The following CSMD1 variants were observed in gnomAD, a reference collection of about 807,000 sequenced individuals.
CSMD1 encodes the protein CUB and Sushi multiple domains 1, also known as CUB and sushi domain-containing protein 1.
In CSMD1, 213 loss-of-function variants were observed where a neutral mutation model predicts 417.5. The ratio of observed to expected loss-of-function variants is 0.51; its 90% confidence interval spans 0.46 to 0.57. The LOEUF (loss-of-function observed/expected upper bound fraction) is 0.57. Ranked by LOEUF, CSMD1 falls within the 20% of genes least tolerant of loss-of-function variation. The probability of loss-of-function intolerance (pLI) is 0.00; values close to 1 mark genes in which losing one functional copy is unlikely to be tolerated. For synonymous variants in CSMD1, 2,862 were observed against 1,736.8 expected, an observed-to-expected ratio of 1.65 and a Z score of -16.11; for missense variants, 6,923 against 4,529.7, an observed-to-expected ratio of 1.53 and a Z score of -15.17.
intron 1 of CSMD1, among the ~76,000 whole-genome samples, chr8:4,899,092 C>A (rs1316242246): frequency 2.6e-5 from 4 of 152,164 alleles, no homozygotes; most frequent in African/African-American, 4.8e-5. Flanking sequence ...TAAGTGTGAT[C>A]TGTTACATAA....
At chr8:4,287,784 C>T (rs1797143943) in intron 3 of CSMD1, among the ~76,000 whole-genome samples, 1 of 151,872 alleles carries the variant, frequency 6.6e-6, no homozygotes, top group Non-Finnish European at 1.5e-5. Flanking sequence ...GCGAGTTGGA[C>T]TCATACTATC....
intron 38 of CSMD1, among the ~76,000 whole-genome samples, chr8:3,159,993 G>A (rs1290214761): frequency 6.6e-6 from 1 of 152,162 alleles, no homozygotes; most frequent in Non-Finnish European, 1.5e-5. Context: ...AGGGAGAATG[G>A]AGGAAACATG....
At chr8:4,596,017 G>A (rs997083251) in intron 2 of CSMD1, among the ~76,000 whole-genome samples, 1 of 152,046 alleles carries the variant, frequency 6.6e-6, no homozygotes, top group Non-Finnish European at 1.5e-5. Flanking sequence ...TCCACCACTT[G>A]AACACTCCCT....
intron 5 of CSMD1, among the ~76,000 whole-genome samples, chr8:3,876,872 A>C (rs969790421): frequency 7.2e-5 from 11 of 152,230 alleles, no homozygotes; most frequent in African/African-American, 2.7e-4. Context: ...TTGGCCTCCC[A>C]AAATCATGCG....
At position 3,914,983 on chromosome 8, in the gene CSMD1, G is replaced by A. The variant is rs892631910; in HGVS notation, c.818+82920C>T. ...TATTGCAGTGTGATGAAAGCTGAAC[G>A]GAACAGCCTTCACACACATACAAGT... On this transcript the variant is annotated intron_variant, in intron 5 of 69. Coordinates refer to ENST00000635120, the MANE Select transcript of CSMD1 (RefSeq NM_033225.6). Among the ~76,000 whole-genome samples the A allele has an allele frequency of 3.9e-5, 6 of 152,220 alleles. 1 individual carries two copies. Among genetic ancestry groups the A allele is most frequent in the South Asian group, 2.1e-4 (1 of 4,814 alleles).
rs543065991 is a variant in CSMD1, at chr8:4,796,948, G to A, written c.86-159390C>T. ...GGCTGCATGGAGGGGGCAGGACAGA[G>A]CGGCCCTGATTGCCTGGTCATCAGG... On this transcript the variant is annotated intron_variant, in intron 1 of 69. Transcript: ENST00000635120. Among the ~76,000 whole-genome samples, 5 of 152,332 alleles carry A rather than the reference G, an allele frequency of 3.3e-5. No homozygotes were observed. The South Asian group carries it at 1.0e-3, about 32-fold the overall frequency.
intron 10 of CSMD1, among the ~76,000 whole-genome samples, chr8:3,554,894 G>C (rs544112939): frequency 6.6e-6 from 1 of 152,124 alleles, no homozygotes; most frequent in Non-Finnish European, 1.5e-5. Context: ...GAGTGTCACT[G>C]AAACTCAACA....
chr8:3,372,744 A>G (rs900083680), intron 18 of CSMD1, among the ~76,000 whole-genome samples: 1 of 152,164 alleles, frequency 6.6e-6, no homozygotes, highest in Non-Finnish European at 1.5e-5. Flanking sequence ...GCTTGCCTGT[A>G]GAATGGCCGA....
At chr8:3,487,464 G>T (rs1373422520) in intron 11 of CSMD1, among the ~76,000 whole-genome samples, 2 of 152,160 alleles carry the variant, frequency 1.3e-5, no homozygotes, top group African/African-American at 2.4e-5. Flanking sequence ...GCCTCCCCAA[G>T]TGTTGGGATT....
chr8:3,102,566 G>C (rs1018548415), intron 46 of CSMD1, among the ~76,000 whole-genome samples: 4 of 152,222 alleles, frequency 2.6e-5, no homozygotes, highest in African/African-American at 4.8e-5. Context: ...GCCACTTAAA[G>C]ATGGGGACAG....
chr8:4,264,290 G>A (rs368150024), intron 3 of CSMD1, among the ~76,000 whole-genome samples: 7 of 152,096 alleles, frequency 4.6e-5, no homozygotes, highest in East Asian at 1.9e-4. Flanking sequence ...ACACATTATT[G>A]TACGTAGAAT....
chr8:3,944,934 G>C (rs776840294), intron 5 of CSMD1, among the ~76,000 whole-genome samples: 9 of 152,074 alleles, frequency 5.9e-5, no homozygotes, highest in African/African-American at 9.7e-5. Context: ...CTCTCACTTT[G>C]TTATTCTTCG....
intron 36 of CSMD1, among the ~76,000 whole-genome samples, chr8:3,181,778 T>C (rs1821343785): frequency 6.6e-6 from 1 of 152,216 alleles, no homozygotes; most frequent in Non-Finnish European, 1.5e-5. Context: ...CATAGTGATT[T>C]CTTTACTTAA....
At chr8:4,108,311 A>G in intron 3 of CSMD1, among the ~76,000 whole-genome samples, 1 of 152,108 alleles carries the variant, frequency 6.6e-6, no homozygotes, top group Non-Finnish European at 1.5e-5. Context: ...TCATATGACA[A>G]TTGTAAAAAT....
chr8:4,502,782 T>C (rs1380152231), intron 2 of CSMD1, among the ~76,000 whole-genome samples: 1 of 152,188 alleles, frequency 6.6e-6, no homozygotes, highest in Non-Finnish European at 1.5e-5. Context: ...CACAAGAGCA[T>C]GACCAATCTG....
chr8:3,063,071 G>C (rs967976377), intron 49 of CSMD1, among the ~76,000 whole-genome samples: 1 of 152,108 alleles, frequency 6.6e-6, no homozygotes, highest in African/African-American at 2.4e-5. Context: ...GAACCCAAGA[G>C]TCCCAGGCTC....
At chr8:4,821,949 AATAAAGC>A (rs1799548649) in intron 1 of CSMD1, among the ~76,000 whole-genome samples, 1 of 151,992 alleles carries the variant, frequency 6.6e-6, no homozygotes, top group African/African-American at 2.4e-5. Context: ...AATCTAATCG[AATAAAGC>A]TTCTCAGAGA....
chr8:4,033,789 G>A (rs1585173350), intron 3 of CSMD1, among the ~76,000 whole-genome samples: 2 of 152,096 alleles, frequency 1.3e-5, no homozygotes, highest in African/African-American at 4.8e-5. Flanking sequence ...TCCTTGATAT[G>A]ATTCTCTATC....
At chr8:3,459,655 G>T (rs1052117708) in intron 12 of CSMD1, among the ~76,000 whole-genome samples, 1 of 152,056 alleles carries the variant, frequency 6.6e-6, no homozygotes, top group African/African-American at 2.4e-5. Context: ...CAGGGGAGGT[G>T]GACTCAGAGA....
Sources: allele counts gnomAD v4.1 joint callset (sites outside exome capture counted in the v4.1 genomes callset), GRCh38; gene constraint gnomAD v4.1.1; transcripts MANE v1.5; gene names NCBI Gene and HGNC (gene_info 2026-07-23, HGNC 2026-07-21).